FAM20C: variants seen among roughly 807,000 people sequenced by gnomAD.
The protein encoded by FAM20C is FAM20C golgi associated secretory pathway kinase.
Under a neutral mutation model 51.5 loss-of-function variants are expected in FAM20C, and 40 were observed. The ratio of observed to expected loss-of-function variants is 0.78; its 90% CI spans 0.60 to 1.01. The LOEUF (loss-of-function observed/expected upper bound fraction) is 1.01, where lower values mean the gene tolerates loss of function less well. Ranked by LOEUF, FAM20C falls within the 50% of genes least tolerant of loss-of-function variation. The pLI is 0.00. For missense variants in FAM20C, 861 were observed against 844.7 expected, an observed-to-expected ratio of 1.02 and a Z score of -0.24; for synonymous variants, 406 against 380.6, an observed-to-expected ratio of 1.07 and a Z score of -0.78.
At chr7:215,127 C>A (rs151293387) in intron 3 of FAM20C, among the ~76,000 whole-genome samples, 1 of 151,482 alleles carries the variant, frequency 6.6e-6, no homozygotes, top group East Asian at 2.0e-4. Context: ...GAGGACAGGG[C>A]GTGGTTAACA....
intron 3 of FAM20C, chr7:228,499 C>G (rs1562383771): frequency 4.4e-6 from 2 of 456,172 alleles, no homozygotes; most frequent in Non-Finnish European, 8.8e-6. Context: ...TGTCCCTGTC[C>G]CTCCCCTGTG....
chr7:208,584 G>A (rs1404181996), intron 2 of FAM20C, among the ~76,000 whole-genome samples: 1 of 131,592 alleles, frequency 7.6e-6, no homozygotes, highest in Non-Finnish European at 1.7e-5. Context: ...GGCTGTGTGG[G>A]GTGTGTGCTG....
chr7:233,147 TG>T (rs1318289871), intron 3 of FAM20C, among the ~76,000 whole-genome samples: 1 of 152,196 alleles, frequency 6.6e-6, no homozygotes, highest in Non-Finnish European at 1.5e-5. Context: ...GTCTTTAAAA[TG>T]GGGGCAGCCG....
intron 8 of FAM20C, chr7:257,462 C>G (rs2115174433): frequency 4.6e-6 from 1 of 217,444 alleles, no homozygotes; most frequent in South Asian, 9.2e-5. Context: ...TCTGCGGCCG[C>G]TGCTGGCCTG....
At chr7:218,790 G>A (rs555353515) in intron 3 of FAM20C, among the ~76,000 whole-genome samples, 20 of 151,962 alleles carry the variant, frequency 1.3e-4, no homozygotes, top group South Asian at 8.3e-4. Context: ...CCGTCCGGCC[G>A]GGAGCTGACA....
At chr7:258,148 T>G (rs920092556) in intron 8 of FAM20C, among the ~76,000 whole-genome samples, 2 of 106,026 alleles carry the variant, frequency 1.9e-5, no homozygotes, top group Non-Finnish European at 3.9e-5. Flanking sequence ...CTGACTGGGG[T>G]GCTGGAGATA....
intron 3 of FAM20C, among the ~76,000 whole-genome samples, chr7:223,207 C>T (rs573113641): frequency 6.6e-6 from 1 of 152,236 alleles, no homozygotes; most frequent in Admixed American, 6.5e-5. Flanking sequence ...TCCCTTCTGT[C>T]CAAAGCCTGA....
chr7:202,480 A>G (rs182648408), intron 2 of FAM20C, among the ~76,000 whole-genome samples: 27 of 134,634 alleles, frequency 2.0e-4, no homozygotes, highest in Non-Finnish European at 3.6e-4. Context: ...CCATGTGCAT[A>G]GAGAGAATGG....
At chr7:211,911 C>A (rs1786738117) in intron 3 of FAM20C, among the ~76,000 whole-genome samples, 1 of 151,720 alleles carries the variant, frequency 6.6e-6, no homozygotes, top group African/African-American at 2.4e-5. Flanking sequence ...TGCAAACCTC[C>A]CAGCTCGGTC....
At chr7:205,632 C>T (rs1361994832) in intron 2 of FAM20C, among the ~76,000 whole-genome samples, 10 of 152,162 alleles carry the variant, frequency 6.6e-5, no homozygotes, top group Admixed American at 2.0e-4. Flanking sequence ...GAGGTCGCGT[C>T]GGAGCCCGTC....
rs909943440 is a variant in FAM20C at position 214,197 on chromosome 7, T to C, written c.863+5221T>C. 9.9e-5 allele frequency among the ~76,000 whole-genome samples: 15 copies of C among 152,006 alleles called. 1 individual carries two copies. The highest frequency in any genetic ancestry group is 2.7e-4 in the African/African-American group (11 of 41,350). ...AAAATTAGCTGGGCGTGGTGATGCA[T>C]GCCTGTAATCCCAGCTACTCGGGAG... is the stretch of plus-strand genomic sequence containing the variant. On this transcript the variant is annotated intron_variant, in intron 3 of 9. Coordinates refer to ENST00000313766, the MANE Select transcript of FAM20C (RefSeq NM_020223.4).
rs1787800293 is a variant in FAM20C, at chr7:234,714, G to A, written c.864-11701G>A. Among the ~76,000 whole-genome samples, 3 of 152,286 alleles carry A rather than the reference G, an allele frequency of 2.0e-5. No individual in the cohort carries two copies. In the South Asian group the frequency reaches 6.2e-4, roughly 32 times the overall value. On this transcript the variant is annotated intron_variant, in intron 3 of 9. Coordinates refer to ENST00000313766, the MANE Select transcript of FAM20C (RefSeq NM_020223.4). ...TAGGAAGAACAGAAAGGCGGGTGTT[G>A]AAAATCTGCCCTGTCCTTCCCGCTC... is the stretch of plus-strand genomic sequence containing the variant.
At chr7:193,880 C>A in intron 1 of FAM20C, 76 bp downstream of exon 1, 1 of 1,472,898 alleles carries the variant, frequency 6.8e-7, no homozygotes. Context: ...GTTCAGGGGC[C>A]CCAGAGGGCC....
intron 3 of FAM20C, among the ~76,000 whole-genome samples, chr7:218,382 C>T (rs1482087654): frequency 1.3e-5 from 2 of 152,232 alleles, no homozygotes; most frequent in African/African-American, 4.8e-5. Flanking sequence ...TCCAGTGCCG[C>T]GCTGCGTGCT....
intron 3 of FAM20C, among the ~76,000 whole-genome samples, chr7:230,790 T>C (rs28584728): frequency 1.6e-4 from 7 of 42,590 alleles, no homozygotes; most frequent in Non-Finnish European, 4.2e-4. Flanking sequence ...TGTTTACTGC[T>C]CTCAATAATA....
In FAM20C at chr7:192,845, C is replaced by T. The variant is rs1183674807; in HGVS notation, c.-355C>T. The stretch of plus-strand genomic sequence containing the variant: ...CCGTCGCGCCCCGGCCGGGATGGAC[C>T]CACACGCCCGATGAGCCCCGCGCCG... On this transcript the variant is annotated 5_prime_UTR_variant, in exon 1 of 10. Transcript: ENST00000313766. 6.7e-6 allele frequency: 1 copy of T among 148,426 alleles called. No homozygotes were observed. Among genetic ancestry groups the T allele is most frequent in the Non-Finnish European group, 1.5e-5 (1 of 66,570 alleles). 9.2% of individuals were successfully genotyped at this position (148,426 alleles called of 1,614,324 possible). A position where few individuals can be genotyped will look rare whatever the true frequency, so the allele number is the denominator to read the frequency against.
At chr7:229,243 C>T (rs925441691) in intron 3 of FAM20C, 1 of 236,982 alleles carries the variant, frequency 4.2e-6, no homozygotes, top group African/African-American at 2.2e-5. Context: ...GAGGCAGCCC[C>T]CTTTTCTGTG....
chr7:259,414 C>A (rs1290842673), intron 9 of FAM20C, among the ~76,000 whole-genome samples: 1 of 147,024 alleles, frequency 6.8e-6, no homozygotes, highest in African/African-American at 2.7e-5. Context: ...CCCTCTCTCG[C>A]GGTCTCTCTC....
intron 2 of FAM20C, among the ~76,000 whole-genome samples, chr7:196,483 G>A (rs1034427117): frequency 4.6e-5 from 7 of 152,240 alleles, no homozygotes; most frequent in Non-Finnish European, 8.8e-5. Flanking sequence ...CGGGGCTGAG[G>A]CCCTTTAGTG....
Sources: allele counts gnomAD v4.1 joint callset (sites outside exome capture counted in the v4.1 genomes callset), GRCh38; gene constraint gnomAD v4.1.1; transcripts MANE v1.5; gene names NCBI Gene and HGNC (gene_info 2026-07-23, HGNC 2026-07-21).